KCNH5: variants seen among roughly 807,000 people sequenced by gnomAD.
KCNH5 encodes voltage-gated delayed rectifier potassium channel KCNH5.
In KCNH5, 46 loss-of-function variants were observed where a neutral mutation model predicts 96.1. The observed-to-expected ratio is 0.48, with a 90% CI of 0.38 to 0.61. The LOEUF (loss-of-function observed/expected upper bound fraction) is 0.61. Among genes scored for constraint, KCNH5 ranks in the 20% least tolerant of loss-of-function variants. The pLI, the probability that KCNH5 is intolerant of heterozygous loss-of-function variation, is 0.00. For missense variants in KCNH5, 907 were observed against 1,225.8 expected, an observed-to-expected ratio of 0.74 and a Z score of 3.88; for synonymous variants, 439 against 449.8, an observed-to-expected ratio of 0.98 and a Z score of 0.30.
chr14:62,900,091 G>C (rs1170273946), intron 7 of KCNH5, among the ~76,000 whole-genome samples: 1 of 152,094 alleles, frequency 6.6e-6, no homozygotes, highest in Non-Finnish European at 1.5e-5. Flanking sequence ...AAACTTGTAG[G>C]ACCATCTGAG....
At chr14:62,816,239 C>T (rs1276664947) in intron 8 of KCNH5, among the ~76,000 whole-genome samples, 4 of 151,810 alleles carry the variant, frequency 2.6e-5, no homozygotes, top group Non-Finnish European at 1.5e-5. Context: ...AACATTTTTT[C>T]ACAACACTAA....
At chr14:62,858,644 CA>C (rs1318817470) in intron 7 of KCNH5, among the ~76,000 whole-genome samples, 1 of 152,114 alleles carries the variant, frequency 6.6e-6, no homozygotes, top group Non-Finnish European at 1.5e-5. Context: ...TCTAGGTCAG[CA>C]GAATGTAATA....
rs541171173 is a variant in KCNH5, at chr14:62,786,833, C to T, written c.1823-6909G>A. ...ATGTTATTGTTGTAATTGTTTGGGG[C>T]CACTACAAACCACACCCATATAAGA... On this transcript the variant is annotated intron_variant, in intron 9 of 10. Transcript: ENST00000322893. Among the ~76,000 whole-genome samples the T allele has an allele frequency of 5.3e-5, 8 of 152,062 alleles. No homozygotes were observed. The South Asian group carries it at 1.7e-3, about 32-fold the overall frequency.
chr14:62,783,708 C>T (rs1198938009), intron 9 of KCNH5, among the ~76,000 whole-genome samples: 3 of 151,604 alleles, frequency 2.0e-5, no homozygotes, highest in Admixed American at 6.6e-5. Flanking sequence ...TTTTTAAAAC[C>T]CTATATGTCC....
intron 7 of KCNH5, among the ~76,000 whole-genome samples, chr14:62,935,147 G>A (rs1477428842): frequency 6.6e-6 from 1 of 152,154 alleles, no homozygotes; most frequent in Non-Finnish European, 1.5e-5. Context: ...TCAGTCACAT[G>A]TTCATTCACC....
At chr14:62,914,299 C>T (rs1889231735) in intron 7 of KCNH5, among the ~76,000 whole-genome samples, 1 of 152,076 alleles carries the variant, frequency 6.6e-6, no homozygotes, top group South Asian at 2.1e-4. Context: ...GCCCCAAAGC[C>T]ACCCTTATAA....
At chr14:62,829,973 C>A (rs1156477268) in intron 8 of KCNH5, among the ~76,000 whole-genome samples, 1 of 152,198 alleles carries the variant, frequency 6.6e-6, no homozygotes, top group Non-Finnish European at 1.5e-5. Flanking sequence ...AGTCAGGTCA[C>A]GTCTTGAATG....
At chr14:62,804,211 C>T (rs1305935033) in intron 8 of KCNH5, among the ~76,000 whole-genome samples, 1 of 151,902 alleles carries the variant, frequency 6.6e-6, no homozygotes, top group Non-Finnish European at 1.5e-5. Flanking sequence ...TTTCATACTC[C>T]CTCAAATTTC....
chr14:62,809,029 T>C (rs1051913904), intron 8 of KCNH5, among the ~76,000 whole-genome samples: 6 of 152,116 alleles, frequency 3.9e-5, no homozygotes, highest in African/African-American at 1.2e-4. Context: ...CAGGAGTTAA[T>C]TGAATTAACT....
At chr14:63,001,557 G>T in intron 3 of KCNH5, 98 bp from the exon 4 acceptor site, 2 of 1,147,166 alleles carry the variant, frequency 1.7e-6, no homozygotes, top group Non-Finnish European at 2.4e-6. Flanking sequence ...GCTGCCAACA[G>T]CTGTGCCAGG....
chr14:62,768,394 C>A (rs1029462380), intron 10 of KCNH5, among the ~76,000 whole-genome samples: 12 of 151,966 alleles, frequency 7.9e-5, no homozygotes, highest in African/African-American at 2.9e-4. Context: ...GAGTATTTTC[C>A]TTTAAATGAA....
chr14:63,036,233 T>G lies in KCNH5; in HGVS notation c.73+8881A>C, dbSNP rs1007221846. Among the ~76,000 whole-genome samples the G allele has an allele frequency of 7.9e-5, 12 of 152,312 alleles. 1 individual carries two copies. The East Asian group carries it at 2.3e-3, about 29-fold the overall frequency. ...TTCCTTCTGACCTGTAGTTCTTTCT[T>G]TGGTCCATCACAGTTAGAGACACTG... On this transcript the variant is annotated intron_variant, in intron 1 of 10. Transcript: ENST00000322893.
chr14:62,897,473 G>C (rs958051701), intron 7 of KCNH5, among the ~76,000 whole-genome samples: 2 of 152,136 alleles, frequency 1.3e-5, no homozygotes, highest in Admixed American at 1.3e-4. Context: ...CTTAACAAGA[G>C]TGCTCAACCC....
intron 1 of KCNH5, among the ~76,000 whole-genome samples, chr14:63,021,690 C>T (rs1042377252): frequency 1.3e-5 from 2 of 152,106 alleles, no homozygotes; most frequent in Admixed American, 1.3e-4. Flanking sequence ...TTCCCTACCA[C>T]TCCACCAAGA....
In KCNH5 at chr14:62,887,221, C is replaced by A. The variant is rs115916449; in HGVS notation, c.1370-37369G>T. 8.0e-3 allele frequency among the ~76,000 whole-genome samples: 1,221 copies of A among 152,150 alleles called. 14 individuals carry two copies. Among genetic ancestry groups the A allele is most frequent in the African/African-American group, 0.028 (1,181 of 41,498 alleles). On this transcript the variant is annotated intron_variant, in intron 7 of 10. Coordinates refer to ENST00000322893, the MANE Select transcript of KCNH5 (RefSeq NM_139318.5). ...CTTCAAGTAGACTTCAGAGCAATAC[C>A]AGTTTGTATGGTCTTTTTGGCAATA...
At chr14:62,791,725 C>T (rs190027403) in intron 9 of KCNH5, among the ~76,000 whole-genome samples, 15 of 151,620 alleles carry the variant, frequency 9.9e-5, no homozygotes, top group African/African-American at 3.6e-4. Flanking sequence ...AAGTATATAA[C>T]AACTGTAAAT....
At chr14:62,951,962 C>CAAAAAAAAAAA (rs36114434) in intron 6 of KCNH5, among the ~76,000 whole-genome samples, 1 of 105,538 alleles carries the variant, frequency 9.5e-6, no homozygotes, top group Non-Finnish European at 1.8e-5. Flanking sequence ...GACTCCGTCT[C>CAAAAAAAAAAA]AAAAAAAAAA....
intron 8 of KCNH5, among the ~76,000 whole-genome samples, chr14:62,844,068 T>G (rs992225101): frequency 6.6e-6 from 1 of 152,194 alleles, no homozygotes; most frequent in Non-Finnish European, 1.5e-5. Context: ...AAATTTCAAT[T>G]TGTTTAAATT....
At chr14:62,803,569 C>G (rs1039516279) in intron 8 of KCNH5, among the ~76,000 whole-genome samples, 1 of 152,126 alleles carries the variant, frequency 6.6e-6, no homozygotes, top group African/African-American at 2.4e-5. Context: ...CTTCTGAAGA[C>G]TACTGCAGGC....
Sources: gnomAD v4.1 joint callset for allele counts (sites outside exome capture counted in the v4.1 genomes callset) on GRCh38, gnomAD v4.1.1 for gene constraint, MANE v1.5 for transcripts, NCBI Gene and HGNC (gene_info 2026-07-23, HGNC 2026-07-21) for gene names.